The following LRP6 variants were observed in gnomAD, a reference collection of about 807,000 sequenced individuals.
LRP6 encodes the protein LDL receptor related protein 6, also known as low-density lipoprotein receptor-related protein 6.
Under a neutral mutation model 184.1 loss-of-function variants are expected in LRP6, and 43 were observed. The ratio of observed to expected loss-of-function variants is 0.23; its 90% CI spans 0.18 to 0.30. LRP6 has a LOEUF of 0.30. Ranked by LOEUF, LRP6 falls within the 10% of genes least tolerant of loss-of-function variation. The pLI, the probability that LRP6 is intolerant of heterozygous loss-of-function variation, is 1.00. For missense variants in LRP6, 1,571 were observed against 2,005.3 expected, an observed-to-expected ratio of 0.78 and a Z score of 4.14; for synonymous variants, 719 against 684.9, an observed-to-expected ratio of 1.05 and a Z score of -0.78.
intron 22 of LRP6, among the ~76,000 whole-genome samples, chr12:12,122,685 A>G (rs1949620957): frequency 6.6e-6 from 1 of 152,160 alleles, no homozygotes; most frequent in African/African-American, 2.4e-5. Flanking sequence ...AAAAAAAGCT[A>G]GCCAGGCGTG....
chr12:12,148,041 T>A (rs2136912511), intron 14 of LRP6, among the ~76,000 whole-genome samples: 1 of 149,986 alleles, frequency 6.7e-6, no homozygotes, highest in South Asian at 2.1e-4. Context: ...AATCCTCTTT[T>A]ATATAAATAA....
Position 12,121,119 on chromosome 12 carries a change from C to G in LRP6, c.*7G>C. 3 of 1,584,396 alleles carry G rather than the reference C, an allele frequency of 1.9e-6. No individual in the cohort carries two copies. The highest frequency in any genetic ancestry group is 2.6e-6 in the Non-Finnish European group (3 of 1,161,982). On this transcript the variant is annotated 3_prime_UTR_variant, in exon 23 of 23. Coordinates refer to ENST00000261349, the MANE Select transcript of LRP6 (RefSeq NM_002336.3). ...GTTGGAGGCAGTCAGAGGAGGAGGG[C>G]CCCTCCTCAGGAGGAGTCTGTACAG...
At chr12:12,222,284 G>C (rs892487453) in intron 2 of LRP6, among the ~76,000 whole-genome samples, 2 of 151,962 alleles carry the variant, frequency 1.3e-5, no homozygotes, top group Non-Finnish European at 2.9e-5. Flanking sequence ...GAAAGATCAC[G>C]GCCGGGTGCA....
intron 7 of LRP6, among the ~76,000 whole-genome samples, chr12:12,169,187 C>T (rs1381222479): frequency 6.6e-6 from 1 of 151,622 alleles, no homozygotes; most frequent in African/African-American, 2.4e-5. Context: ...CAAGATCGCA[C>T]CATTGCACTC....
In LRP6 at chr12:12,164,359, T is replaced by G. The variant is rs749386666; in HGVS notation, c.1966A>C (p.Ile656Leu). ...SLETNNNNVAIPLTGVKEASA... is the reference protein window; with the variant it reads ...SLETNNNNVALPLTGVKEASA... ...GCTTCTTTGACACCAGTGAGTGGAA[T>G]AGCCACATTATTATTGTTTGTTTCC... is the stretch of plus-strand genomic sequence containing the variant. Residue 656 changes from isoleucine to leucine, a missense_variant, in exon 9 of 23, where the codon ATT becomes CTT. Transcript: ENST00000261349. 1 of 1,614,158 alleles carries G rather than the reference T, an allele frequency of 6.2e-7. No individual in the cohort carries two copies. Among genetic ancestry groups the G allele is most frequent in the South Asian group, 1.1e-5 (1 of 91,082 alleles).
At position 12,220,739 on chromosome 12, in the gene LRP6, T is replaced by C. The variant is rs568632895; in HGVS notation, c.450-17339A>G. Among the ~76,000 whole-genome samples, 8 of 151,824 alleles carry C rather than the reference T, an allele frequency of 5.3e-5. No individual in the cohort carries two copies. In the South Asian group the frequency reaches 1.0e-3, roughly 20 times the overall value. ...TCAGCCTCCTGAGTAAATGGGAGCA[T>C]AGGAGTGCGCCACCACACCCGGTTA... On this transcript the variant is annotated intron_variant, in intron 2 of 22. Coordinates refer to ENST00000261349, the MANE Select transcript of LRP6 (RefSeq NM_002336.3).
chr12:12,195,938 G>A (rs572031422), intron 3 of LRP6, among the ~76,000 whole-genome samples: 25 of 152,036 alleles, frequency 1.6e-4, no homozygotes, highest in Non-Finnish European at 3.2e-4. Flanking sequence ...ATCATTTATT[G>A]AAAAGACTAT....
At position 12,126,068 on chromosome 12, in the gene LRP6, C is replaced by T. The variant is rs545874184; in HGVS notation, c.4312+623G>A. On this transcript the variant is annotated intron_variant, in intron 20 of 22. Coordinates refer to ENST00000261349, the MANE Select transcript of LRP6 (RefSeq NM_002336.3). Reference sequence around the variant, plus strand: ...GAGGGTTTTTGCAAGGCACCGCCTTCTCCATATTCATTAAAAGGAAGGCGT... The same window carrying T: ...GAGGGTTTTTGCAAGGCACCGCCTTTTCCATATTCATTAAAAGGAAGGCGT... 1.7e-4 allele frequency among the ~76,000 whole-genome samples: 26 copies of T among 152,310 alleles called. No individual in the cohort carries two copies. The South Asian group carries it at 5.4e-3, about 32-fold the overall frequency.
chr12:12,170,791 T>TCACACACA (rs10571241), intron 7 of LRP6, among the ~76,000 whole-genome samples: 49 of 142,904 alleles, frequency 3.4e-4, no homozygotes, highest in Admixed American at 1.3e-3. Flanking sequence ...TAAAATTACT[T>TCACACACA]CACACACACA....
At chr12:12,179,774 A>G (rs199975441) in intron 7 of LRP6, 36 bp downstream of exon 7, 13 of 1,608,696 alleles carry the variant, frequency 8.1e-6, no homozygotes, top group African/African-American at 1.3e-5. Flanking sequence ...AACCCATTAT[A>G]AAAGTGGCTT....
intron 22 of LRP6, among the ~76,000 whole-genome samples, chr12:12,123,822 C>T (rs1299532069): frequency 1.3e-5 from 2 of 152,210 alleles, no homozygotes; most frequent in Non-Finnish European, 2.9e-5. Flanking sequence ...ATCTTTCACT[C>T]CAAATTGTAA....
chr12:12,148,673 T>C, intron 14 of LRP6, among the ~76,000 whole-genome samples: 1 of 152,072 alleles, frequency 6.6e-6, no homozygotes, highest in East Asian at 1.9e-4. Context: ...GAGGAAAACT[T>C]CCTGGAGGAC....
intron 2 of LRP6, among the ~76,000 whole-genome samples, chr12:12,239,279 C>G (rs1450055741): frequency 6.6e-6 from 1 of 152,172 alleles, no homozygotes. Flanking sequence ...AATTGGCTAT[C>G]TGCTTCTATG....
At chr12:12,233,945 C>CA (rs1864862128) in intron 2 of LRP6, among the ~76,000 whole-genome samples, 1 of 151,782 alleles carries the variant, frequency 6.6e-6, no homozygotes, top group Non-Finnish European at 1.5e-5. Context: ...TATGCACTGG[C>CA]AAAAAACAAT....
In LRP6 at chr12:12,130,848, A is replaced by G. The variant is rs757122705; in HGVS notation, c.4016T>C (p.Ile1339Thr). Residue 1339 changes from isoleucine (I) to threonine (T), a missense_variant, in exon 19 of 23, where the codon ATT (isoleucine) becomes ACT (threonine). Physicochemically the swap from Ile to Thr is moderately conservative, Grantham distance 89. Transcript: ENST00000261349. ...DQFRCANGQC[I>T]GKHKKCDHNV... ...ATGATCACACTTCTTGTGCTTTCCAATGCACTGACCATTGGCACAGCGGAA... is the reference window on the plus strand; with the variant it reads ...ATGATCACACTTCTTGTGCTTTCCAGTGCACTGACCATTGGCACAGCGGAA... The G allele has an allele frequency of 6.2e-7, 1 of 1,613,624 alleles. No individual in the cohort carries two copies. Among genetic ancestry groups the G allele is most frequent in the South Asian group, 1.1e-5 (1 of 91,066 alleles).
chr12:12,153,939 T>C (rs781069829), intron 12 of LRP6, among the ~76,000 whole-genome samples: 1 of 152,222 alleles, frequency 6.6e-6, no homozygotes, highest in Non-Finnish European at 1.5e-5. Context: ...CCATCATGTA[T>C]GACTGTACCA....
chr12:12,231,180 C>CAAAAAAAAAAAA lies in LRP6; in HGVS notation c.449+13070_449+13081dup, dbSNP rs10661340. Among the ~76,000 whole-genome samples, 8 of 23,568 alleles carry CAAAAAAAAAAAA rather than the reference C, an allele frequency of 3.4e-4. 2 individuals carry two copies. Among genetic ancestry groups the CAAAAAAAAAAAA allele is most frequent in the Non-Finnish European group, 5.3e-4 (8 of 15,094 alleles). The allele number at this position is 23,568 out of a possible 152,430, so 15.5% of individuals were successfully genotyped here. On this transcript the variant is annotated intron_variant, in intron 2 of 22. Coordinates refer to ENST00000261349, the MANE Select transcript of LRP6 (RefSeq NM_002336.3). ...TGGATGACAGAGCAAGACTCCATCT[C>CAAAAAAAAAAAA]AAAAAAAAAAAAAAAAAAAAAAAAA...
At position 12,186,907 on chromosome 12, in the gene LRP6, A is replaced by G. The variant is rs201704686; in HGVS notation, c.844+16T>C. 43 of 1,612,552 alleles carry G rather than the reference A, an allele frequency of 2.7e-5. No individual in the cohort carries two copies. The African/African-American group carries it at 5.6e-4, about 21-fold the overall frequency. On this transcript the variant is annotated intron_variant, in intron 4 of 22. Coordinates refer to ENST00000261349, the MANE Select transcript of LRP6 (RefSeq NM_002336.3). ...AGCTGTTCCAACTTGCAATTTAAAA[A>G]TCAAGGATCACTTACCATTTGGCTG...
rs2136914718 is a variant in LRP6, at chr12:12,148,992, C to T, written c.3156G>A (p.Leu1052=). The part of the protein sequence containing the change: ...RLDGRSVGVV[L]KGEQDRPRAV... ...CTCGAGGTCTGTCCTGCTCGCCTTT[C>T]AGCACCACTCCAACTGATCTCCCAT... Residue 1052 remains leucine, a synonymous_variant, in exon 14 of 23, where the codon CTG becomes CTA. Coordinates refer to ENST00000261349, the MANE Select transcript of LRP6 (RefSeq NM_002336.3). 1.2e-6 allele frequency: 2 copies of T among 1,614,004 alleles called. No individual in the cohort carries two copies. The highest frequency in any genetic ancestry group is 4.5e-5 in the East Asian group (2 of 44,886).
Sources: allele counts gnomAD v4.1 joint callset (sites outside exome capture counted in the v4.1 genomes callset), GRCh38; gene constraint gnomAD v4.1.1; transcripts MANE v1.5; gene names NCBI Gene and HGNC (gene_info 2026-07-23, HGNC 2026-07-21).